Variants in TAB1 observed in about 807,000 individuals in gnomAD.
TAB1 encodes TGF-beta-activated kinase 1 and MAP3K7-binding protein 1.
Under a neutral mutation model 54.5 loss-of-function variants are expected in TAB1, and 30 were observed. The observed-to-expected ratio is 0.55, with a 90% confidence interval of 0.41 to 0.75. TAB1 has a LOEUF of 0.75. Among genes scored for constraint, TAB1 ranks in the 30% least tolerant of loss-of-function variants. The pLI, the probability that TAB1 is intolerant of heterozygous loss-of-function variation, is 0.00. For missense variants in TAB1, 609 were observed against 683.2 expected (o/e 0.89, Z 1.21); for synonymous variants, 289 against 286.9 (o/e 1.01, Z -0.07).
chr22:39,424,989 G>A (rs1342852848), intron 8 of TAB1, among the ~76,000 whole-genome samples: 1 of 152,062 alleles, frequency 6.6e-6, no homozygotes, highest in Non-Finnish European at 1.5e-5. Context: ...CTTTATGATG[G>A]TGAGAAAGTG....
At chr22:39,402,768 T>A (rs1018410021) in intron 1 of TAB1, among the ~76,000 whole-genome samples, 1 of 151,936 alleles carries the variant, frequency 6.6e-6, no homozygotes, top group Non-Finnish European at 1.5e-5. Flanking sequence ...CCTAGGCTGG[T>A]CATGAACTCC....
At position 39,428,061 on chromosome 22, in the gene TAB1, C is replaced by T; in HGVS notation, c.1185C>T (p.Ser395=). 1.2e-6 allele frequency: 2 copies of T among 1,613,372 alleles called. No homozygotes were observed. Among genetic ancestry groups the T allele is most frequent in the African/African-American group, 1.3e-5 (1 of 75,056 alleles). ...GRVYPVSVPY[S]SAQSTSKTSV... The stretch of plus-strand genomic sequence containing the variant: ...TGTACCCTGTGTCTGTGCCATACTC[C>T]AGCGCCCAGAGCACCAGCAAGACCA... The change falls in exon 10 of 11, where the codon TCC becomes TCT. Residue 395 remains serine (S), a synonymous_variant. Transcript: ENST00000216160.
intron 8 of TAB1, 143 bp from the exon 9 acceptor site, chr22:39,426,560 T>A: frequency 1.5e-6 from 1 of 684,224 alleles, no homozygotes; most frequent in South Asian, 1.9e-5. Context: ...AAGGCTCAGA[T>A]TGCAAACTTG....
chr22:39,436,435 G>T, downstream of TAB1: 1 of 1,466,964 alleles, frequency 6.8e-7, no homozygotes, highest in East Asian at 2.3e-5. Context: ...CAGGAGCAAA[G>T]ATTTAAACTC....
Position 39,420,112 on chromosome 22 carries a change from C to A in TAB1, c.776+482C>A, listed in dbSNP as rs925757637. ...GGTGTGAGATGAATTGTGTATTTCCCTCTGAGGACACCTCCTCTGGACATC... is the reference window on the plus strand; with the variant it reads ...GGTGTGAGATGAATTGTGTATTTCCATCTGAGGACACCTCCTCTGGACATC... On this transcript the variant is annotated intron_variant, in intron 7 of 10. Coordinates refer to ENST00000216160, the MANE Select transcript of TAB1 (RefSeq NM_006116.3). Among the ~76,000 whole-genome samples the A allele has an allele frequency of 2.6e-5, 4 of 152,232 alleles. No homozygotes were observed. In the South Asian group the frequency reaches 8.3e-4, roughly 31 times the overall value.
At chr22:39,434,087 G>A (rs1014327753), downstream of TAB1, among the ~76,000 whole-genome samples, 9 of 152,214 alleles carry the variant, frequency 5.9e-5, no homozygotes, top group Non-Finnish European at 1.3e-4. Flanking sequence ...TGTGACCTTG[G>A]GCAGTAACTT....
rs773305935 is a variant in TAB1 at position 39,430,309 on chromosome 22, G to A, written c.*87G>A. 200 of 1,574,268 alleles carry A rather than the reference G, an allele frequency of 1.3e-4. No individual in the cohort carries two copies. The highest frequency in any genetic ancestry group is 1.9e-4 in the Middle Eastern group (1 of 5,364). ...TCCTAACATCTGCCTGTGCCACAAC[G>A]GCCAGCAGGTGCCCCATCCTCTGCC... On this transcript the variant is annotated 3_prime_UTR_variant, in exon 11 of 11. Transcript: ENST00000216160.
At chr22:39,422,055 G>T in intron 8 of TAB1, 84 bp downstream of exon 8, 1 of 1,250,888 alleles carries the variant, frequency 8.0e-7, no homozygotes, top group South Asian at 1.7e-5. Flanking sequence ...CTAGCACTGT[G>T]ATTCTCGGAG....
chr22:39,430,590 C>A lies in TAB1; in HGVS notation c.*368C>A. ...CCCTGTGAACCCTGAGTGTTGCAGG[C>A]CCAGCAGACCCTGCTGTCCCAAGCC... On this transcript the variant is annotated 3_prime_UTR_variant, in exon 11 of 11. Coordinates refer to ENST00000216160, the MANE Select transcript of TAB1 (RefSeq NM_006116.3). 8.8e-7 allele frequency: 1 copy of A among 1,140,136 alleles called. No individual in the cohort carries two copies. The highest frequency in any genetic ancestry group is 1.1e-6 in the Non-Finnish European group (1 of 917,886). The allele number at this position is 1,140,136 out of a possible 1,614,324, so 70.6% of individuals were successfully genotyped here.
chr22:39,423,182 G>A (rs551295038), intron 8 of TAB1, among the ~76,000 whole-genome samples: 1 of 152,046 alleles, frequency 6.6e-6, no homozygotes. Flanking sequence ...TAGAGACAGG[G>A]TCTCACTGTA....
rs1926771440 is a variant in TAB1 at position 39,415,205 on chromosome 22, A to G, written c.170+63A>G. 3.3e-6 allele frequency: 5 copies of G among 1,518,850 alleles called. No homozygotes were observed. The highest frequency in any genetic ancestry group is 2.1e-4 in the Middle Eastern group (1 of 4,868). The allele number at this position is 1,518,850 out of a possible 1,614,324, so 94.1% of individuals were successfully genotyped here. On this transcript the variant is annotated intron_variant, in intron 2 of 10. Transcript: ENST00000216160. The surrounding 1 kb of genome is among the most constrained non-coding windows in gnomAD (Gnocchi z 4.9). ...TTGGTTGGTTTGCAAGCAAGGAAAG[A>G]CACCGACCTTGCAGCTTTCTCGTAT...
chr22:39,435,810 G>T (rs536005648), downstream of TAB1, among the ~76,000 whole-genome samples: 48 of 152,256 alleles, frequency 3.2e-4, no homozygotes, highest in Non-Finnish European at 5.4e-4. Flanking sequence ...TGGCTTGATA[G>T]GAGGTGGGGC....
intron 4 of TAB1, among the ~76,000 whole-genome samples, chr22:39,417,100 G>A (rs1248891765): frequency 6.6e-6 from 1 of 152,260 alleles, no homozygotes; most frequent in Non-Finnish European, 1.5e-5. Context: ...TGGTGGACAT[G>A]AGGAAGGGCT....
At chr22:39,416,476 C>T (rs1318432906) in intron 3 of TAB1, among the ~76,000 whole-genome samples, 3 of 152,258 alleles carry the variant, frequency 2.0e-5, no homozygotes, top group Admixed American at 6.5e-5. Flanking sequence ...CCAGAGGTCA[C>T]ACCAGCTGGG....
chr22:39,433,267 C>T (rs1012702276), downstream of TAB1: 3 of 864,536 alleles, frequency 3.5e-6, no homozygotes, highest in Non-Finnish European at 4.2e-6. Context: ...CTGGCTAACA[C>T]GGTGAAACCC....
At position 39,414,767 on chromosome 22, in the gene TAB1, C is replaced by T. The variant is rs987184432; in HGVS notation, c.34-239C>T. On this transcript the variant is annotated intron_variant, in intron 1 of 10. Coordinates refer to ENST00000216160, the MANE Select transcript of TAB1 (RefSeq NM_006116.3). ...TCCTGGAGGTCATTGCTGCGCCTTA[C>T]ATTTGGGAATGGTGGAGTCTCAGTT... 7 of 518,558 alleles carry T rather than the reference C, an allele frequency of 1.3e-5. No homozygotes were observed. The African/African-American group carries it at 1.4e-4, about 10-fold the overall frequency. The allele number at this position is 518,558 out of a possible 1,614,324, so 32.1% of individuals were successfully genotyped here.
chr22:39,429,142 G>A (rs540197544), intron 10 of TAB1: 3 of 985,486 alleles, frequency 3.0e-6, no homozygotes, highest in African/African-American at 1.7e-5. Flanking sequence ...CTGAGCCATA[G>A]TTGGTCCCAC....
rs140533969 is a variant in TAB1, at chr22:39,421,138, C to G, written c.777-689C>G. On this transcript the variant is annotated intron_variant, in intron 7 of 10. Coordinates refer to ENST00000216160, the MANE Select transcript of TAB1 (RefSeq NM_006116.3). ...TATGCAAAGCTGTGCCTATTTCATGCATACAACTTGATGAGTTTGGAGATA... is the reference window on the plus strand; with the variant it reads ...TATGCAAAGCTGTGCCTATTTCATGGATACAACTTGATGAGTTTGGAGATA... Among the ~76,000 whole-genome samples, 694 of 152,128 alleles carry G rather than the reference C, an allele frequency of 4.6e-3. 6 individuals carry two copies. Among genetic ancestry groups the G allele is most frequent in the African/African-American group, 0.015 (643 of 41,488 alleles).
intron 4 of TAB1, among the ~76,000 whole-genome samples, chr22:39,417,447 CG>C (rs910481437): frequency 2.6e-5 from 4 of 152,056 alleles, no homozygotes; most frequent in African/African-American, 7.2e-5. Context: ...GGTGAAACCC[CG>C]TCTCTACTAA....
Sources: gnomAD v4.1 joint callset for allele counts (sites outside exome capture counted in the v4.1 genomes callset) on GRCh38, gnomAD v4.1.1 for gene constraint, Gnocchi (gnomAD v3.1) non-coding constraint, MANE v1.5 for transcripts, NCBI Gene and HGNC (gene_info 2026-07-23, HGNC 2026-07-21) for gene names.